Variants in NEK11 observed in about 807,000 individuals in gnomAD.
NEK11 encodes serine/threonine-protein kinase Nek11.
NEK11 carries 72 observed loss-of-function variants against 80.7 expected under a neutral mutation model. The observed-to-expected ratio is 0.89, with a 90% CI of 0.74 to 1.08. The LOEUF is 1.08. Ranked by LOEUF, NEK11 falls within the 50% of genes least tolerant of loss-of-function variation. The probability of loss-of-function intolerance (pLI) is 0.00; values close to 1 mark genes in which losing one functional copy is unlikely to be tolerated. For synonymous variants in NEK11, 251 were observed against 260.7 expected (o/e 0.96, Z 0.36); for missense variants, 764 against 763.6 (o/e 1.00, Z -0.01).
chr3:131,079,566 C>T (rs1264519267), intron 3 of NEK11, among the ~76,000 whole-genome samples: 10 of 152,126 alleles, frequency 6.6e-5, no homozygotes, highest in Non-Finnish European at 1.5e-4. Context: ...CTAGTTCACA[C>T]TTTGGTACTA....
At chr3:131,046,263 A>T (rs1309047912) in intron 3 of NEK11, among the ~76,000 whole-genome samples, 1 of 152,182 alleles carries the variant, frequency 6.6e-6, no homozygotes, top group South Asian at 2.1e-4. Flanking sequence ...TTTTCAAGAT[A>T]TAGAACTCCT....
At chr3:131,252,840 G>A (rs936138338) in intron 16 of NEK11, among the ~76,000 whole-genome samples, 11 of 152,022 alleles carry the variant, frequency 7.2e-5, no homozygotes, top group African/African-American at 1.4e-4. Flanking sequence ...AAGGATTATC[G>A]TGCACACTCA....
At chr3:131,162,045 G>A (rs185177915) in intron 10 of NEK11, among the ~76,000 whole-genome samples, 2,039 of 152,184 alleles carry the variant, frequency 0.013, 26 homozygotes, top group East Asian at 0.079. Flanking sequence ...TTCGAACCCT[G>A]CCTAACTCTA....
intron 17 of NEK11, among the ~76,000 whole-genome samples, chr3:131,340,640 C>T (rs761161661): frequency 1.4e-4 from 22 of 152,154 alleles, no homozygotes; most frequent in Non-Finnish European, 2.4e-4. Context: ...AACACGTATT[C>T]GGGATGTGAC....
intron 17 of NEK11, among the ~76,000 whole-genome samples, chr3:131,283,967 ATTC>A (rs1258530490): frequency 3.9e-5 from 6 of 152,164 alleles, no homozygotes; most frequent in Non-Finnish European, 8.8e-5. Context: ...AATTAATTGA[ATTC>A]TTCTTGAGAG....
chr3:131,148,530 TGAG>T (rs2088888531), intron 7 of NEK11, among the ~76,000 whole-genome samples: 1 of 151,920 alleles, frequency 6.6e-6, no homozygotes. Context: ...ATATCTATAT[TGAG>T]AAGATAAAGG....
chr3:131,034,405 AT>A (rs893287873), intron 3 of NEK11, among the ~76,000 whole-genome samples: 29 of 148,112 alleles, frequency 2.0e-4, no homozygotes, highest in South Asian at 2.1e-4. Flanking sequence ...TACAATTTAA[AT>A]TTTTTTTTTT....
At chr3:131,116,254 C>T (rs983342429) in intron 5 of NEK11, among the ~76,000 whole-genome samples, 10 of 152,084 alleles carry the variant, frequency 6.6e-5, no homozygotes, top group Middle Eastern at 3.4e-3. Context: ...TGATAGTTTG[C>T]TCAGAATGAT....
At chr3:131,181,314 G>C (rs114056894) in intron 14 of NEK11, among the ~76,000 whole-genome samples, 1 of 152,164 alleles carries the variant, frequency 6.6e-6, no homozygotes, top group African/African-American at 2.4e-5. Context: ...AAGGAAAGCA[G>C]GTGACCTTTA....
intron 4 of NEK11, among the ~76,000 whole-genome samples, chr3:131,097,603 C>T (rs1398699850): frequency 1.3e-5 from 2 of 151,652 alleles, no homozygotes; most frequent in African/African-American, 4.8e-5. Flanking sequence ...TCTTGTAAAT[C>T]GTGAAGGACC....
chr3:131,064,427 C>T (rs985903199), intron 3 of NEK11, among the ~76,000 whole-genome samples: 3 of 152,052 alleles, frequency 2.0e-5, no homozygotes, highest in African/African-American at 7.2e-5. Context: ...CAAGCGTGTC[C>T]CTGGTCTCTC....
chr3:131,189,518 C>T (rs939449646), intron 14 of NEK11, among the ~76,000 whole-genome samples: 1 of 152,210 alleles, frequency 6.6e-6, no homozygotes, highest in Non-Finnish European at 1.5e-5. Context: ...AGCCTCCATT[C>T]TCACAATCTC....
intron 3 of NEK11, among the ~76,000 whole-genome samples, chr3:131,039,150 T>G (rs1386364299): frequency 1.3e-5 from 2 of 152,008 alleles, no homozygotes; most frequent in Non-Finnish European, 2.9e-5. Flanking sequence ...AAGAGCAAAA[T>G]TTGATGGGTG....
intron 7 of NEK11, among the ~76,000 whole-genome samples, chr3:131,141,535 T>C (rs1206389974): frequency 9.9e-5 from 15 of 152,218 alleles, no homozygotes; most frequent in Admixed American, 9.8e-4. Context: ...CTCAAATGTA[T>C]GTGTTTAAAA....
At chr3:131,254,067 T>A (rs2095758887) in intron 16 of NEK11, among the ~76,000 whole-genome samples, 1 of 152,204 alleles carries the variant, frequency 6.6e-6, no homozygotes, top group Non-Finnish European at 1.5e-5. Context: ...TTGTCACTAA[T>A]CCTGAATCTG....
chr3:131,273,622 T>C, intron 17 of NEK11, 48 bp downstream of exon 17: 2 of 1,398,664 alleles, frequency 1.4e-6, no homozygotes, highest in Non-Finnish European at 1.0e-6. Flanking sequence ...TGTTAAAGCA[T>C]ATTGACCAAG....
At chr3:131,119,964 T>C (rs1309029061) in intron 5 of NEK11, among the ~76,000 whole-genome samples, 1 of 152,206 alleles carries the variant, frequency 6.6e-6, no homozygotes, top group Admixed American at 6.5e-5. Context: ...AATTGGAGCA[T>C]TTCGCCCATT....
chr3:131,301,988 A>G (rs753757783), intron 17 of NEK11, among the ~76,000 whole-genome samples: 6 of 151,950 alleles, frequency 3.9e-5, no homozygotes, highest in Non-Finnish European at 5.9e-5. Context: ...CTGGTATGGG[A>G]CTTTTTCTTG....
chr3:131,150,108 T>C (rs2089329445), intron 7 of NEK11, among the ~76,000 whole-genome samples: 1 of 152,058 alleles, frequency 6.6e-6, no homozygotes, highest in African/African-American at 2.4e-5. Flanking sequence ...TTTCAAGCAG[T>C]TGGCAATTTT....
Sources: gnomAD v4.1 joint callset for allele counts (sites outside exome capture counted in the v4.1 genomes callset) on GRCh38, gnomAD v4.1.1 for gene constraint, MANE v1.5 for transcripts, NCBI Gene and HGNC (gene_info 2026-07-23, HGNC 2026-07-21) for gene names.